PLXDC2: variants seen among roughly 807,000 people sequenced by gnomAD.
PLXDC2 encodes the protein plexin domain containing 2, also known as plexin domain-containing protein 2.
A neutral mutation model predicts 68.9 loss-of-function variants in PLXDC2; 40 were observed. That is an observed-to-expected ratio of 0.58 (90% CI 0.45 to 0.76). The LOEUF (loss-of-function observed/expected upper bound fraction) is 0.76, where lower values mean the gene tolerates loss of function less well. PLXDC2 is among the 30% of genes least tolerant of loss of function. The pLI is 0.00. For missense variants in PLXDC2, 644 were observed against 661.9 expected (o/e 0.97, Z 0.30); for synonymous variants, 243 against 234.2 (o/e 1.04, Z -0.34).
Position 20,288,470 on chromosome 10 carries a change from A to G in PLXDC2, c.*8651A>G, listed in dbSNP as rs551957718. 1 of 152,184 alleles carries G rather than the reference A, an allele frequency of 6.6e-6. No homozygotes were observed. Among genetic ancestry groups the G allele is most frequent in the African/African-American group, 2.4e-5 (1 of 41,532 alleles). The allele number at this position is 152,184 out of a possible 1,614,324, so 9.4% of individuals were successfully genotyped here. ...ACCTGAGCCTGCAAATGTAAAAATG[A>G]TTGTATCTGAATCTGCACTAATGGT... On this transcript the variant is annotated 3_prime_UTR_variant, in exon 14 of 14. Transcript: ENST00000377252.
In PLXDC2 at chr10:19,888,894, A is replaced by G. The variant is rs575076401; in HGVS notation, c.112+71703A>G. ...ATAGAACAGAAATGTCACAGTTTTG[A>G]CAATGCCAACCAGTATTCTTTGGTG... is the stretch of plus-strand genomic sequence containing the variant. On this transcript the variant is annotated intron_variant, in intron 1 of 13. Coordinates refer to ENST00000377252, the MANE Select transcript of PLXDC2 (RefSeq NM_032812.9). Among the ~76,000 whole-genome samples, 14 of 152,324 alleles carry G rather than the reference A, an allele frequency of 9.2e-5. No individual in the cohort carries two copies. In the South Asian group the frequency reaches 2.7e-3, roughly 29 times the overall value.
intron 1 of PLXDC2, among the ~76,000 whole-genome samples, chr10:19,968,438 G>A (rs1834300163): frequency 6.6e-6 from 1 of 152,122 alleles, no homozygotes; most frequent in Non-Finnish European, 1.5e-5. Flanking sequence ...TCAGCCTCCT[G>A]AGTCGCTGGG....
intron 1 of PLXDC2, among the ~76,000 whole-genome samples, chr10:19,854,432 G>C (rs1426614309): frequency 2.6e-5 from 4 of 152,110 alleles, no homozygotes; most frequent in African/African-American, 9.7e-5. Flanking sequence ...GCAATGGCTG[G>C]AGACATTTGA....
At chr10:19,990,756 C>A (rs936830972) in intron 1 of PLXDC2, among the ~76,000 whole-genome samples, 1 of 152,006 alleles carries the variant, frequency 6.6e-6, no homozygotes, top group Non-Finnish European at 1.5e-5. Flanking sequence ...TATATGCAAT[C>A]ATGCAATTTA....
intron 12 of PLXDC2, among the ~76,000 whole-genome samples, chr10:20,221,147 CT>C (rs1346557050): frequency 1.0e-5 from 1 of 100,278 alleles, no homozygotes; most frequent in Non-Finnish European, 1.8e-5. Flanking sequence ...ACGGCCAACA[CT>C]TTTTTTATGA....
intron 1 of PLXDC2, among the ~76,000 whole-genome samples, chr10:19,910,591 C>CTTTT (rs1006322581): frequency 2.1e-4 from 19 of 92,534 alleles, no homozygotes; most frequent in East Asian, 3.1e-4. Context: ...TAAGTGGTTG[C>CTTTT]TTTTTTTTTT....
chr10:20,148,690 G>A (rs1283107083), intron 6 of PLXDC2, among the ~76,000 whole-genome samples: 1 of 152,122 alleles, frequency 6.6e-6, no homozygotes, highest in African/African-American at 2.4e-5. Flanking sequence ...AGAGAAACCT[G>A]AACTGTGAGA....
intron 12 of PLXDC2, among the ~76,000 whole-genome samples, chr10:20,230,874 C>T (rs1055580130): frequency 4.1e-5 from 6 of 147,552 alleles, no homozygotes; most frequent in Admixed American, 6.8e-5. Context: ...TCACATGAAA[C>T]GGTCACCAAA....
intron 1 of PLXDC2, among the ~76,000 whole-genome samples, chr10:19,937,583 T>TATATATATATATATAC (rs1833747488): frequency 7.3e-6 from 1 of 137,868 alleles, no homozygotes; most frequent in South Asian, 2.3e-4. Flanking sequence ...TATATATATA[T>TATATATATATATATAC]TTGCAACTTC....
intron 12 of PLXDC2, among the ~76,000 whole-genome samples, chr10:20,238,483 C>A (rs1016201459): frequency 6.7e-6 from 1 of 150,064 alleles, no homozygotes; most frequent in Admixed American, 6.7e-5. Context: ...CCCGTCTCTA[C>A]TAAAAACACA....
At chr10:20,178,113 G>A (rs1834553794) in intron 9 of PLXDC2, among the ~76,000 whole-genome samples, 1 of 152,038 alleles carries the variant, frequency 6.6e-6, no homozygotes, top group Admixed American at 6.6e-5. Flanking sequence ...AACATTCTTA[G>A]TAAATTTCTA....
chr10:20,047,030 A>G lies in PLXDC2; in HGVS notation c.471+15A>G. The G allele has an allele frequency of 6.4e-7, 1 of 1,572,486 alleles. No homozygotes were observed. The highest frequency in any genetic ancestry group is 1.9e-5 in the Admixed American group (1 of 52,362). ...GGCAAGCTGCAGTAAGTGTTTGGAC[A>G]TTCAGGGTTCATTTTACCTACTGTG... On this transcript the variant is annotated intron_variant, in intron 3 of 13. Transcript: ENST00000377252.
intron 4 of PLXDC2, among the ~76,000 whole-genome samples, chr10:20,096,309 G>T (rs1298658248): frequency 6.6e-6 from 1 of 152,070 alleles, no homozygotes; most frequent in Non-Finnish European, 1.5e-5. Context: ...GAAACTAATT[G>T]TGGAATTATT....
At chr10:19,943,532 A>G (rs546752566) in intron 1 of PLXDC2, among the ~76,000 whole-genome samples, 1 of 152,328 alleles carries the variant, frequency 6.6e-6, no homozygotes, top group African/African-American at 2.4e-5. Context: ...ACCATATACT[A>G]ATGGCATGGC....
At chr10:20,022,533 A>C (rs1835329923) in intron 2 of PLXDC2, among the ~76,000 whole-genome samples, 1 of 152,132 alleles carries the variant, frequency 6.6e-6, no homozygotes. Flanking sequence ...TTCTGTGGCC[A>C]TTATTTGTAT....
intron 1 of PLXDC2, among the ~76,000 whole-genome samples, chr10:19,825,067 G>T (rs1469621801): frequency 1.3e-5 from 2 of 152,072 alleles, no homozygotes; most frequent in Admixed American, 1.3e-4. Context: ...ATTAAAATAG[G>T]CTGTCCTCAC....
intron 1 of PLXDC2, among the ~76,000 whole-genome samples, chr10:19,964,119 GC>G (rs1834207730): frequency 6.6e-6 from 1 of 152,170 alleles, no homozygotes; most frequent in Non-Finnish European, 1.5e-5. Flanking sequence ...GAAAGAAAAA[GC>G]CCCTGATTTG....
intron 1 of PLXDC2, among the ~76,000 whole-genome samples, chr10:19,859,318 A>G (rs1837276139): frequency 1.3e-5 from 2 of 152,218 alleles, no homozygotes; most frequent in African/African-American, 4.8e-5. Context: ...CAGATGCCAA[A>G]GCAACGCTGT....
intron 2 of PLXDC2, among the ~76,000 whole-genome samples, chr10:20,005,581 G>A (rs1268497748): frequency 6.6e-6 from 1 of 152,142 alleles, no homozygotes; most frequent in Non-Finnish European, 1.5e-5. Flanking sequence ...GCATCTGCTT[G>A]GCTTCTGGTG....
Sources: gnomAD v4.1 joint callset for allele counts (sites outside exome capture counted in the v4.1 genomes callset) on GRCh38, gnomAD v4.1.1 for gene constraint, MANE v1.5 for transcripts, NCBI Gene and HGNC (gene_info 2026-07-23, HGNC 2026-07-21) for gene names.